Variants in DCAF6 observed in about 807,000 individuals in gnomAD.
DCAF6 encodes the protein DDB1 and CUL4 associated factor 6.
Under a neutral mutation model 125.1 loss-of-function variants are expected in DCAF6, and 54 were observed. That is an observed-to-expected ratio of 0.43 (90% CI 0.35 to 0.54). The LOEUF (loss-of-function observed/expected upper bound fraction) is 0.54, where lower values mean the gene tolerates loss of function less well. Ranked by LOEUF, DCAF6 falls within the 20% of genes least tolerant of loss-of-function variation. The pLI is 0.01. For missense variants in DCAF6, 934 were observed against 1,161.7 expected (o/e 0.80, Z 2.85); for synonymous variants, 371 against 390.4 (o/e 0.95, Z 0.58).
chr1:168,025,644 G>C (rs1263308847), intron 12 of DCAF6, among the ~76,000 whole-genome samples: 1 of 152,050 alleles, frequency 6.6e-6, no homozygotes, highest in Non-Finnish European at 1.5e-5. Flanking sequence ...ATTACCTAAA[G>C]ATAACTTCTA....
At chr1:167,925,474 T>TAC in the DCAF6 span, among the ~76,000 whole-genome samples, 44 of 96,816 alleles carry the variant, frequency 4.5e-4, no homozygotes, top group South Asian at 7.6e-3. Flanking sequence ...TATATATATA[T>TAC]ACATATACAT....
chr1:167,881,692 A>C, the DCAF6 span, among the ~76,000 whole-genome samples: 1 of 152,232 alleles, frequency 6.6e-6, no homozygotes, highest in Non-Finnish European at 1.5e-5. Flanking sequence ...AACTTTCCAC[A>C]ATCATTTGAG....
chr1:167,966,556 C>A, intron 2 of DCAF6, 73 bp from the exon 3 acceptor site: 1 of 964,124 alleles, frequency 1.0e-6, no homozygotes, highest in Non-Finnish European at 1.7e-6. Context: ...TTTTGTACCG[C>A]CAGGTGAGTG....
chr1:168,072,110 A>G (rs1472150628), intron 21 of DCAF6, among the ~76,000 whole-genome samples: 1 of 151,884 alleles, frequency 6.6e-6, no homozygotes, highest in Non-Finnish European at 1.5e-5. Context: ...AGCCTGGCCA[A>G]CATGGTGAAA....
upstream of DCAF6, among the ~76,000 whole-genome samples, chr1:167,931,317 C>A (rs990159524): frequency 6.6e-6 from 1 of 152,136 alleles, no homozygotes; most frequent in South Asian, 2.1e-4. Context: ...ATCCTGAGTG[C>A]CAGAACAGTG....
Position 168,066,624 on chromosome 1 carries a change from T to C in DCAF6, c.2685+159T>C, listed in dbSNP as rs555013594. 3.3e-5 allele frequency among the ~76,000 whole-genome samples: 5 copies of C among 152,294 alleles called. No homozygotes were observed. The East Asian group carries it at 9.6e-4, about 29-fold the overall frequency. ...AAAGAAAAATTAAGATAAAAGGATGTCTATAATACTAGGGAGGTAAAATCT... is the reference window on the plus strand; with the variant it reads ...AAAGAAAAATTAAGATAAAAGGATGCCTATAATACTAGGGAGGTAAAATCT... On this transcript the variant is annotated intron_variant, in intron 20 of 21. Transcript: ENST00000367840.
chr1:167,893,040 G>A, the DCAF6 span, among the ~76,000 whole-genome samples: 1 of 152,180 alleles, frequency 6.6e-6, no homozygotes, highest in Non-Finnish European at 1.5e-5. Context: ...TGAGTGATAA[G>A]AGATAGTTAT....
chr1:168,032,308 A>T (rs570863558), intron 12 of DCAF6, among the ~76,000 whole-genome samples: 1 of 152,346 alleles, frequency 6.6e-6, no homozygotes, highest in South Asian at 2.1e-4. Flanking sequence ...TGTAGGGTAG[A>T]TAGATCTTCT....
At chr1:167,925,346 G>A in the DCAF6 span, among the ~76,000 whole-genome samples, 1 of 149,630 alleles carries the variant, frequency 6.7e-6, no homozygotes, top group Non-Finnish European at 1.5e-5. Context: ...AAATAAAAAG[G>A]AAAGTTAGCC....
At chr1:167,869,181 T>G in the DCAF6 span, among the ~76,000 whole-genome samples, 1 of 152,194 alleles carries the variant, frequency 6.6e-6, no homozygotes, top group South Asian at 2.1e-4. Flanking sequence ...TTCCCAGCAC[T>G]AGGAGGATTT....
intron 16 of DCAF6, among the ~76,000 whole-genome samples, chr1:168,048,424 A>G (rs1689407209): frequency 6.6e-6 from 1 of 152,254 alleles, no homozygotes; most frequent in African/African-American, 2.4e-5. Context: ...AGGAAACTTT[A>G]AAAGGCTTTA....
the DCAF6 span, among the ~76,000 whole-genome samples, chr1:167,881,490 C>CAGTGTTT: frequency 6.6e-6 from 1 of 152,180 alleles, no homozygotes; most frequent in East Asian, 1.9e-4. Flanking sequence ...AAGGGGGAAA[C>CAGTGTTT]ACTGCTTCTA....
At chr1:167,936,319 G>A (rs775521083), upstream of DCAF6, 2 of 188,504 alleles carry the variant, frequency 1.1e-5, no homozygotes, top group Non-Finnish European at 2.2e-5. Flanking sequence ...CTTTGATTAA[G>A]CAGGCCCGTA....
At chr1:167,924,395 A>G in the DCAF6 span, 1 of 949,016 alleles carries the variant, frequency 1.1e-6, no homozygotes, top group Non-Finnish European at 1.6e-6. Context: ...AGGCATACCA[A>G]GAATACTCTA....
chr1:167,935,692 A>C, upstream of DCAF6: 1 of 1,512,832 alleles, frequency 6.6e-7, no homozygotes, highest in Non-Finnish European at 9.0e-7. Context: ...AGAGGAAGCG[A>C]GAAGGAAGGT....
chr1:167,882,388 G>A, the DCAF6 span, among the ~76,000 whole-genome samples: 1 of 149,578 alleles, frequency 6.7e-6, no homozygotes, highest in African/African-American at 2.5e-5. Flanking sequence ...AGGAGGCTGA[G>A]TCAAGAGAAT....
At chr1:167,926,041 T>C in the DCAF6 span, among the ~76,000 whole-genome samples, 3 of 152,362 alleles carry the variant, frequency 2.0e-5, no homozygotes, top group Non-Finnish European at 2.9e-5. Flanking sequence ...ATTAGAATAA[T>C]TCTTCAAACA....
At chr1:168,002,674 C>A in intron 8 of DCAF6, 99 bp downstream of exon 8, 3 of 848,014 alleles carry the variant, frequency 3.5e-6, no homozygotes, top group Non-Finnish European at 5.4e-6. Context: ...CTGTAATGAA[C>A]ATTCTTATAC....
At chr1:167,867,902 C>T in the DCAF6 span, among the ~76,000 whole-genome samples, 1 of 152,172 alleles carries the variant, frequency 6.6e-6, no homozygotes, top group Admixed American at 6.5e-5. Context: ...GAAAAAGACC[C>T]TGTTTAGCTC....
Sources: gnomAD v4.1 joint callset for allele counts (sites outside exome capture counted in the v4.1 genomes callset) on GRCh38, gnomAD v4.1.1 for gene constraint, MANE v1.5 for transcripts, NCBI Gene and HGNC (gene_info 2026-07-23, HGNC 2026-07-21) for gene names.